Variants in BFSP1 observed in about 807,000 individuals in gnomAD.
BFSP1 encodes filensin.
In BFSP1, 38 loss-of-function variants were observed where a neutral mutation model predicts 43.9. The ratio of observed to expected loss-of-function variants is 0.87; its 90% CI spans 0.67 to 1.14. The LOEUF (loss-of-function observed/expected upper bound fraction) is 1.14, where lower values mean the gene tolerates loss of function less well. Ranked by LOEUF, BFSP1 falls within the 50% of genes most tolerant of loss-of-function variation. The pLI is 0.00. For synonymous variants in BFSP1, 352 were observed against 354.8 expected, an observed-to-expected ratio of 0.99 and a Z score of 0.09; for missense variants, 850 against 875.1, an observed-to-expected ratio of 0.97 and a Z score of 0.36.
chr20:17,504,428 G>C (rs2033881428), intron 5 of BFSP1, among the ~76,000 whole-genome samples: 1 of 152,274 alleles, frequency 6.6e-6, no homozygotes, highest in East Asian at 1.9e-4. Context: ...CTGTGGCACG[G>C]CGTCCACTGC....
At chr20:17,544,340 T>C (rs2034767602) in intron 1 of BFSP1, among the ~76,000 whole-genome samples, 1 of 152,328 alleles carries the variant, frequency 6.6e-6, no homozygotes, top group Non-Finnish European at 1.5e-5. Flanking sequence ...CTCCCAATTG[T>C]GCAGCACTTG....
At chr20:17,559,215 T>A (rs2035043821), upstream of BFSP1, among the ~76,000 whole-genome samples, 1 of 152,098 alleles carries the variant, frequency 6.6e-6, no homozygotes, top group African/African-American at 2.4e-5. Flanking sequence ...ACTACAGCAA[T>A]TTATTGCTTT....
intron 1 of BFSP1, among the ~76,000 whole-genome samples, chr20:17,552,154 G>T (rs763237145): frequency 3.3e-5 from 5 of 152,152 alleles, no homozygotes; most frequent in Non-Finnish European, 7.4e-5. Flanking sequence ...CTGGGAGGAT[G>T]GTGGGGCATC....
upstream of BFSP1, among the ~76,000 whole-genome samples, chr20:17,531,525 G>T (rs1311595052): frequency 6.6e-6 from 1 of 152,248 alleles, no homozygotes; most frequent in Non-Finnish European, 1.5e-5. Context: ...TTTGTGCGGC[G>T]GATTAGCGGC....
intron 5 of BFSP1, among the ~76,000 whole-genome samples, chr20:17,508,570 G>T (rs1355810810): frequency 6.6e-6 from 1 of 152,174 alleles, no homozygotes; most frequent in Non-Finnish European, 1.5e-5. Context: ...GCATGATGTA[G>T]ACACTGGGGC....
At chr20:17,518,295 C>A (rs2034245094) in intron 2 of BFSP1, among the ~76,000 whole-genome samples, 2 of 152,346 alleles carry the variant, frequency 1.3e-5, no homozygotes, top group East Asian at 1.9e-4. Flanking sequence ...TGGGACTTAG[C>A]TTCTGAGCTC....
upstream of BFSP1, among the ~76,000 whole-genome samples, chr20:17,559,903 T>C (rs1246136187): frequency 1.3e-5 from 2 of 151,216 alleles, no homozygotes; most frequent in Non-Finnish European, 2.9e-5. Context: ...TTATCTAGAG[T>C]CAAATACCTC....
chr20:17,499,982 T>C (rs1055392430), intron 5 of BFSP1, among the ~76,000 whole-genome samples: 1 of 152,132 alleles, frequency 6.6e-6, no homozygotes, highest in Non-Finnish European at 1.5e-5. Flanking sequence ...ATAAAGTACA[T>C]TCTTCAGACT....
At chr20:17,561,934 G>A (rs1195966727), upstream of BFSP1, among the ~76,000 whole-genome samples, 1 of 151,884 alleles carries the variant, frequency 6.6e-6, no homozygotes, top group Non-Finnish European at 1.5e-5. Context: ...AATTTGTTTT[G>A]TTTTGAGATG....
intron 7 of BFSP1, 47 bp from the exon 8 acceptor site, chr20:17,495,076 G>A (rs769417542): frequency 3.3e-6 from 5 of 1,526,020 alleles, no homozygotes; most frequent in South Asian, 2.4e-5. Flanking sequence ...GTCACTGAGA[G>A]AGAAAGAAAA....
intron 2 of BFSP1, among the ~76,000 whole-genome samples, chr20:17,522,211 CAA>C (rs2034332807): frequency 6.6e-6 from 1 of 152,164 alleles, no homozygotes; most frequent in African/African-American, 2.4e-5. Context: ...ACCACAAATA[CAA>C]AAGACCCCAA....
At chr20:17,558,565 A>G in intron 1 of BFSP1, 1 of 1,103,964 alleles carries the variant, frequency 9.1e-7, no homozygotes, top group Non-Finnish European at 1.3e-6. Flanking sequence ...CATGAGTCAT[A>G]AAACAAATGT....
chr20:17,541,452 G>T (rs1160760270), intron 1 of BFSP1, among the ~76,000 whole-genome samples: 1 of 152,120 alleles, frequency 6.6e-6, no homozygotes, highest in Non-Finnish European at 1.5e-5. Context: ...TTTGCTGTCT[G>T]CTATGATGGC....
intron 2 of BFSP1, 36 bp downstream of exon 2, chr20:17,524,812 T>C (rs776936525): frequency 8.7e-6 from 14 of 1,600,910 alleles, no homozygotes. Context: ...AACACTGTAA[T>C]TAAGCTACGT....
intron 4 of BFSP1, among the ~76,000 whole-genome samples, chr20:17,509,708 G>T (rs1170040395): frequency 6.6e-6 from 1 of 152,218 alleles, no homozygotes; most frequent in Non-Finnish European, 1.5e-5. Context: ...GCTGTGCTCG[G>T]ATGTCAGCGC....
intron 1 of BFSP1, among the ~76,000 whole-genome samples, chr20:17,551,388 A>G (rs1398717507): frequency 2.0e-5 from 3 of 152,170 alleles, no homozygotes; most frequent in African/African-American, 7.2e-5. Flanking sequence ...CAAAGACAGC[A>G]CCAGGGAGAA....
Sources: allele counts gnomAD v4.1 joint callset (sites outside exome capture counted in the v4.1 genomes callset), GRCh38; gene constraint gnomAD v4.1.1; transcripts MANE v1.5; gene names NCBI Gene and HGNC (gene_info 2026-07-23, HGNC 2026-07-21).